NRXN1: variants seen among roughly 807,000 people sequenced by gnomAD.
NRXN1 encodes neurexin-1.
A neutral mutation model predicts 150.9 loss-of-function variants in NRXN1; 39 were observed. That is an observed-to-expected ratio of 0.26 (90% confidence interval 0.20 to 0.34). The LOEUF is 0.34. NRXN1 is among the 10% of genes least tolerant of loss of function. The pLI, the probability that NRXN1 is intolerant of heterozygous loss-of-function variation, is 1.00. For missense variants in NRXN1, 1,815 were observed against 1,949.9 expected (o/e 0.93, Z 1.30); for synonymous variants, 924 against 757.0 (o/e 1.22, Z -3.62).
At position 50,601,339 on chromosome 2, in the gene NRXN1, T is replaced by C. The variant is rs116388981; in HGVS notation, c.1320+18683A>G. 5.5e-3 allele frequency among the ~76,000 whole-genome samples: 840 copies of C among 152,284 alleles called. 7 individuals carry two copies. The highest frequency in any genetic ancestry group is 0.02 in the African/African-American group (818 of 41,558). ...TCTCCAAAACATCCAAACAGGGTTT[T>C]TGAGAATTTAACTCTTGGATCTGTT... On this transcript the variant is annotated intron_variant, in intron 8 of 22. Transcript: ENST00000401669.
At chr2:50,149,548 C>A (rs1263668304) in intron 18 of NRXN1, among the ~76,000 whole-genome samples, 1 of 151,610 alleles carries the variant, frequency 6.6e-6, no homozygotes, top group Non-Finnish European at 1.5e-5. Context: ...CAAAATAATT[C>A]GAATTCATTC....
chr2:50,575,458 G>A (rs955971664), intron 8 of NRXN1, among the ~76,000 whole-genome samples: 1 of 152,130 alleles, frequency 6.6e-6, no homozygotes, highest in Non-Finnish European at 1.5e-5. Context: ...AGCTCTCTCT[G>A]CAGGCACCTA....
chr2:50,972,877 A>G (rs1695236438), intron 2 of NRXN1, among the ~76,000 whole-genome samples: 1 of 152,170 alleles, frequency 6.6e-6, no homozygotes, highest in Non-Finnish European at 1.5e-5. Flanking sequence ...CTTACAGGCA[A>G]GACTTGATAA....
chr2:50,044,662 C>A (rs557239924), intron 21 of NRXN1, among the ~76,000 whole-genome samples: 1 of 152,180 alleles, frequency 6.6e-6, no homozygotes, highest in East Asian at 1.9e-4. Context: ...AAAAGCTTTG[C>A]TATTGTTGAT....
chr2:50,007,284 C>T (rs895362087), intron 21 of NRXN1, among the ~76,000 whole-genome samples: 4 of 152,010 alleles, frequency 2.6e-5, no homozygotes, highest in African/African-American at 4.8e-5. Flanking sequence ...CATTTGAAGT[C>T]GCAGTGAGCT....
intron 2 of NRXN1, among the ~76,000 whole-genome samples, chr2:50,978,126 A>T (rs1465304437): frequency 6.6e-6 from 1 of 150,854 alleles, no homozygotes; most frequent in Non-Finnish European, 1.5e-5. Flanking sequence ...TCCAAAATAT[A>T]TATATTCATT....
At chr2:50,705,100 T>C (rs897821039) in intron 5 of NRXN1, among the ~76,000 whole-genome samples, 7 of 151,512 alleles carry the variant, frequency 4.6e-5, no homozygotes, top group African/African-American at 1.7e-4. Flanking sequence ...ACTGCCGATT[T>C]CTAGCATAAA....
intron 2 of NRXN1, among the ~76,000 whole-genome samples, chr2:50,975,536 C>T (rs1052136854): frequency 8.6e-5 from 13 of 152,036 alleles, no homozygotes; most frequent in African/African-American, 2.7e-4. Context: ...TAGGAAACTC[C>T]ATCTAAGTCC....
At chr2:50,181,807 C>T (rs1049580655) in intron 18 of NRXN1, among the ~76,000 whole-genome samples, 6 of 151,946 alleles carry the variant, frequency 3.9e-5, no homozygotes, top group Admixed American at 1.3e-4. Context: ...TAGTAATGAG[C>T]GCACCACAAA....
chr2:50,904,434 G>T (rs1174894158), intron 5 of NRXN1, among the ~76,000 whole-genome samples: 2 of 152,036 alleles, frequency 1.3e-5, no homozygotes, highest in Non-Finnish European at 2.9e-5. Context: ...TCATATTTGG[G>T]AACATAAACG....
intron 18 of NRXN1, among the ~76,000 whole-genome samples, chr2:50,129,694 T>C (rs145474142): frequency 1.9e-3 from 284 of 152,262 alleles, no homozygotes; most frequent in Non-Finnish European, 3.6e-3. Context: ...AAAAAGGCAA[T>C]CTTTATAGAT....
intron 16 of NRXN1, among the ~76,000 whole-genome samples, chr2:50,468,814 T>A (rs895963321): frequency 2.0e-5 from 3 of 151,056 alleles, no homozygotes; most frequent in Non-Finnish European, 4.4e-5. Flanking sequence ...TTGTATAGAG[T>A]CTTGATGATT....
At chr2:50,791,503 C>T (rs1159621962) in intron 5 of NRXN1, among the ~76,000 whole-genome samples, 1 of 152,008 alleles carries the variant, frequency 6.6e-6, no homozygotes, top group South Asian at 2.1e-4. Flanking sequence ...CATCTTCTCG[C>T]CCAGAATCTC....
intron 18 of NRXN1, among the ~76,000 whole-genome samples, chr2:50,211,776 A>C (rs940474562): frequency 6.6e-6 from 1 of 151,498 alleles, no homozygotes; most frequent in African/African-American, 2.4e-5. Flanking sequence ...CTTGGTTATA[A>C]ATACTAAATA....
At position 50,951,942 on chromosome 2, in the gene NRXN1, AATAT is replaced by A. The variant is rs1165247495; in HGVS notation, c.773-25991_773-25988del. Among the ~76,000 whole-genome samples the A allele has an allele frequency of 4.8e-3, 538 of 112,740 alleles. 35 individuals carry two copies. Among genetic ancestry groups the A allele is most frequent in the South Asian group, 9.1e-3 (31 of 3,410 alleles). 74.0% of individuals were successfully genotyped at this position (112,740 alleles called of 152,430 possible). On this transcript the variant is annotated intron_variant, in intron 2 of 22. Coordinates refer to ENST00000401669, the MANE Select transcript of NRXN1 (RefSeq NM_001330078.2). ...AGAGTAGCAAAACTGTACATGAATA[AATAT>A]ATATATATATATATATATTTTTTTT...
intron 2 of NRXN1, among the ~76,000 whole-genome samples, chr2:50,948,445 C>A (rs962660564): frequency 6.6e-6 from 1 of 152,050 alleles, no homozygotes; most frequent in South Asian, 2.1e-4. Context: ...TTAAAATATA[C>A]TGTGCAAGGA....
chr2:50,893,665 T>C (rs1332815266), intron 5 of NRXN1, among the ~76,000 whole-genome samples: 2 of 152,218 alleles, frequency 1.3e-5, no homozygotes, highest in African/African-American at 4.8e-5. Context: ...TGTATTATAA[T>C]TATAGTAATG....
intron 5 of NRXN1, among the ~76,000 whole-genome samples, chr2:50,675,045 C>T (rs1228082229): frequency 6.6e-6 from 1 of 151,756 alleles, no homozygotes; most frequent in Admixed American, 6.6e-5. Flanking sequence ...ACACCTCTTC[C>T]CTCTCGCTCC....
chr2:50,303,295 A>T (rs2074330322), intron 17 of NRXN1, among the ~76,000 whole-genome samples: 1 of 152,188 alleles, frequency 6.6e-6, no homozygotes, highest in South Asian at 2.1e-4. Context: ...ACAGGATATA[A>T]TTTCTGGACA....
Sources: gnomAD v4.1 joint callset for allele counts (sites outside exome capture counted in the v4.1 genomes callset) on GRCh38, gnomAD v4.1.1 for gene constraint, MANE v1.5 for transcripts, NCBI Gene and HGNC (gene_info 2026-07-23, HGNC 2026-07-21) for gene names.